The following TMEM37 variants were observed in gnomAD, a reference collection of about 807,000 sequenced individuals.
TMEM37 encodes voltage-dependent calcium channel gamma-like subunit.
TMEM37 carries 12 observed loss-of-function variants against 11.0 expected under a neutral mutation model. The ratio of observed to expected loss-of-function variants is 1.09; its 90% CI spans 0.70 to 1.76. The LOEUF is 1.76. Ranked by LOEUF, TMEM37 falls within the 40% of genes most tolerant of loss-of-function variation. The pLI, the probability that TMEM37 is intolerant of heterozygous loss-of-function variation, is 0.00. For synonymous variants in TMEM37, 127 were observed against 110.5 expected (o/e 1.15, Z -0.94); for missense variants, 203 against 251.2 (o/e 0.81, Z 1.30).
At chr2:119,431,059 A>C (rs1421619022), upstream of TMEM37, among the ~76,000 whole-genome samples, 1 of 152,100 alleles carries the variant, frequency 6.6e-6, no homozygotes, top group Non-Finnish European at 1.5e-5. Flanking sequence ...GAATCGCTTG[A>C]ACGGGTTTGA....
At chr2:119,435,430 G>A (rs545524823) in intron 1 of TMEM37, among the ~76,000 whole-genome samples, 16 of 152,314 alleles carry the variant, frequency 1.1e-4, no homozygotes, top group Admixed American at 2.0e-4. Flanking sequence ...ACCGTCATGC[G>A]TGCCTGTTTT....
chr2:119,437,749 G>A lies in TMEM37; in HGVS notation c.*309G>A, dbSNP rs894669578. 11 of 382,256 alleles carry A rather than the reference G, an allele frequency of 2.9e-5. No individual in the cohort carries two copies. The highest frequency in any genetic ancestry group is 1.4e-4 in the African/African-American group (7 of 48,416). The allele number at this position is 382,256 out of a possible 1,614,324, so 23.7% of individuals were successfully genotyped here. A position where few individuals can be genotyped will look rare whatever the true frequency, so the allele number is the denominator to read the frequency against. ...CTTCTTGAATTTTCTTCCCTGGACTGGAATACAGTTGGAAGCACAGGGGTA... is the reference window on the plus strand; with the variant it reads ...CTTCTTGAATTTTCTTCCCTGGACTAGAATACAGTTGGAAGCACAGGGGTA... On this transcript the variant is annotated 3_prime_UTR_variant, in exon 2 of 2. Coordinates refer to ENST00000306406, the MANE Select transcript of TMEM37 (RefSeq NM_183240.3).
At chr2:119,431,433 C>T (rs1315069615), upstream of TMEM37, among the ~76,000 whole-genome samples, 1 of 152,222 alleles carries the variant, frequency 6.6e-6, no homozygotes, top group Non-Finnish European at 1.5e-5. Flanking sequence ...AGAGTGAGGG[C>T]AGCAGAGCCT....
At chr2:119,430,314 G>C, upstream of TMEM37, 1 of 559,668 alleles carries the variant, frequency 1.8e-6, no homozygotes, top group Non-Finnish European at 3.5e-6. Context: ...AAACTCTGCA[G>C]TGGGGCCTCG....
Position 119,437,618 on chromosome 2 carries a change from C to T in TMEM37, c.*178C>T, listed in dbSNP as rs1032948153. 26 of 785,036 alleles carry T rather than the reference C, an allele frequency of 3.3e-5. No individual in the cohort carries two copies. The highest frequency in any genetic ancestry group is 2.6e-4 in the African/African-American group (15 of 57,264). The allele number at this position is 785,036 out of a possible 1,614,324, so 48.6% of individuals were successfully genotyped here. On this transcript the variant is annotated 3_prime_UTR_variant, in exon 2 of 2. Transcript: ENST00000306406. ...GCCAGAAATGGCCCGGGGGCCTCTG[C>T]ACCTGGTCTGCAGGGCCAGAGGCCA...
At position 119,437,114 on chromosome 2, in the gene TMEM37, G is replaced by A. The variant is rs768468935; in HGVS notation, c.247G>A (p.Gly83Arg). 9.3e-6 allele frequency: 15 copies of A among 1,614,074 alleles called. No homozygotes were observed. The highest frequency in any genetic ancestry group is 4.4e-5 in the South Asian group (4 of 91,070). ...AGACCTGGGCCAGGCCCATGTGCCC[G>A]GGCTGGCCGTGGGCATGGGCCTGGT... ...FRDLGQAHVP[G>R]LAVGMGLVRS... Residue 83 changes from glycine (G) to arginine (R), a missense_variant, in exon 2 of 2, where the codon GGG (glycine) becomes AGG (arginine). Gly to Arg is a moderately radical substitution (Grantham distance 125, BLOSUM62 -2). Transcript: ENST00000306406.
At chr2:119,431,975 A>C in intron 1 of TMEM37, 51 bp downstream of exon 1, 2 of 908,194 alleles carry the variant, frequency 2.2e-6, no homozygotes, top group Non-Finnish European at 2.9e-6. Context: ...CCGCCGTGGG[A>C]GGTTGGGGGT....
At chr2:119,432,571 TACCC>T (rs548462006) in intron 1 of TMEM37, among the ~76,000 whole-genome samples, 245 of 152,266 alleles carry the variant, frequency 1.6e-3, no homozygotes, top group African/African-American at 5.5e-3. Flanking sequence ...TACACATTCC[TACCC>T]GCTCCCTCGG....
rs1404172690 is a variant in TMEM37 at position 119,437,711 on chromosome 2, C to T, written c.*271C>T. 2.0e-6 allele frequency: 1 copy of T among 495,302 alleles called. No homozygotes were observed. Among genetic ancestry groups the T allele is most frequent in the African/African-American group, 1.9e-5 (1 of 51,300 alleles). The allele number at this position is 495,302 out of a possible 1,614,324, so 30.7% of individuals were successfully genotyped here. On this transcript the variant is annotated 3_prime_UTR_variant, in exon 2 of 2. Transcript: ENST00000306406. ...TGTTGATTTTAGAGGAAGAAAAAAACATTTTAAAACTCCTTCTTGAATTTT... is the reference window on the plus strand; with the variant it reads ...TGTTGATTTTAGAGGAAGAAAAAAATATTTTAAAACTCCTTCTTGAATTTT...
upstream of TMEM37, chr2:119,430,170 G>A (rs79273155): frequency 5.1e-4 from 324 of 636,628 alleles, 2 homozygotes; most frequent in African/African-American, 5.0e-3. Flanking sequence ...TGGGGGCCAC[G>A]GAGGGAAGGC....
chr2:119,436,961 A>G lies in TMEM37; in HGVS notation c.94A>G (p.Thr32Ala). ...FESFIRTLIITCVALAVVLSS... is the reference protein window; with the variant it reads ...FESFIRTLIIACVALAVVLSS... Reference sequence around the variant, plus strand: ...ATCCTTCATCCGGACCCTCATCATCACGTGTGTGGCCCTGGCTGTGGTCCT... The same window carrying G: ...ATCCTTCATCCGGACCCTCATCATCGCGTGTGTGGCCCTGGCTGTGGTCCT... Residue 32 changes from threonine to alanine, a missense_variant, in exon 2 of 2, where the codon ACG becomes GCG. Transcript: ENST00000306406. The G allele has an allele frequency of 6.2e-7, 1 of 1,614,022 alleles. No individual in the cohort carries two copies. Among genetic ancestry groups the G allele is most frequent in the Non-Finnish European group, 8.5e-7 (1 of 1,180,002 alleles).
At chr2:119,432,258 T>G in intron 1 of TMEM37, 1 of 270,378 alleles carries the variant, frequency 3.7e-6, no homozygotes. Flanking sequence ...CTGGTCAGTT[T>G]ACCATAAGGG....
rs376850578 is a variant in TMEM37, at chr2:119,437,161, C to T, written c.294C>T (p.Ala98=). ...TGGTACGCAGCGTGGGCGCCTTGGC[C>T]GTGGTGGCCGCCATTTTTGGCCTGG... ...MGLVRSVGAL[A]VVAAIFGLEF... is the part of the protein sequence containing the mutation. The change falls in exon 2 of 2, where the codon GCC becomes GCT. Residue 98 remains alanine (A), a synonymous_variant. Coordinates refer to ENST00000306406, the MANE Select transcript of TMEM37 (RefSeq NM_183240.3). 6.5e-5 allele frequency: 105 copies of T among 1,614,242 alleles called. No individual in the cohort carries two copies. Among genetic ancestry groups the T allele is most frequent in the South Asian group, 7.7e-5 (7 of 91,084 alleles).
At chr2:119,433,252 C>T (rs975033031) in intron 1 of TMEM37, among the ~76,000 whole-genome samples, 1 of 152,220 alleles carries the variant, frequency 6.6e-6, no homozygotes, top group Admixed American at 6.5e-5. Context: ...CCGGCCGCTT[C>T]GGGATGATAA....
At chr2:119,431,457 C>T (rs940733752), upstream of TMEM37, among the ~76,000 whole-genome samples, 1 of 152,236 alleles carries the variant, frequency 6.6e-6, no homozygotes, top group African/African-American at 2.4e-5. Flanking sequence ...CGCCTGCCTC[C>T]TCCCTTCGGA....
chr2:119,430,094 C>T (rs563238338), upstream of TMEM37: 1 of 927,602 alleles, frequency 1.1e-6, no homozygotes, highest in Non-Finnish European at 1.7e-6. Flanking sequence ...CATGTGGGCT[C>T]TTTATCCAGA....
intron 1 of TMEM37, among the ~76,000 whole-genome samples, chr2:119,435,070 C>T (rs1682472163): frequency 6.6e-6 from 1 of 152,260 alleles, no homozygotes; most frequent in Non-Finnish European, 1.5e-5. Context: ...CACCTGCCCT[C>T]TGCATAGTTT....
At position 119,437,612 on chromosome 2, in the gene TMEM37, C is replaced by G. The variant is rs374225697; in HGVS notation, c.*172C>G. The G allele has an allele frequency of 1.1e-3, 932 of 813,556 alleles. 9 individuals are homozygous for G. In the African/African-American group the frequency reaches 0.015, roughly 13 times the overall value. 50.4% of individuals were successfully genotyped at this position (813,556 alleles called of 1,614,324 possible). ...TGGTCAGCCAGAAATGGCCCGGGGGCCTCTGCACCTGGTCTGCAGGGCCAG... is the reference window on the plus strand; with the variant it reads ...TGGTCAGCCAGAAATGGCCCGGGGGGCTCTGCACCTGGTCTGCAGGGCCAG... On this transcript the variant is annotated 3_prime_UTR_variant, in exon 2 of 2. Transcript: ENST00000306406.
Position 119,436,913 on chromosome 2 carries a change from C to G in TMEM37, c.46C>G (p.Gln16Glu). ...GGCCCAGAGGCCTTTGGGCCAAAGG[C>G]AGCCCCGCCGGTCCTTCTTTGAATC... ...VQAQRPLGQR[Q>E]PRRSFFESFI... Residue 16 changes from glutamine (Q) to glutamate (E), a missense_variant, in exon 2 of 2, where the codon CAG becomes GAG. Transcript: ENST00000306406. The G allele has an allele frequency of 6.2e-7, 1 of 1,613,780 alleles. No homozygotes were observed. Among genetic ancestry groups the G allele is most frequent in the Non-Finnish European group, 8.5e-7 (1 of 1,179,840 alleles).
Sources: allele counts gnomAD v4.1 joint callset (sites outside exome capture counted in the v4.1 genomes callset), GRCh38; gene constraint gnomAD v4.1.1; transcripts MANE v1.5; gene names NCBI Gene and HGNC (gene_info 2026-07-23, HGNC 2026-07-21).